The following WAC variants were observed in gnomAD, a reference collection of about 807,000 sequenced individuals.
WAC encodes the protein WW domain containing adaptor with coiled-coil, also known as WW domain-containing adapter protein with coiled-coil.
A neutral mutation model predicts 79.6 loss-of-function variants in WAC; 11 were observed. The observed-to-expected ratio is 0.14, with a 90% CI of 0.09 to 0.23. WAC has a LOEUF of 0.23. WAC is among the 10% of genes least tolerant of loss of function. The pLI, the probability that WAC is intolerant of heterozygous loss-of-function variation, is 1.00. For synonymous variants in WAC, 304 were observed against 276.9 expected (o/e 1.10, Z -0.97); for missense variants, 728 against 773.5 (o/e 0.94, Z 0.70).
intron 3 of WAC, among the ~76,000 whole-genome samples, chr10:28,579,547 C>T (rs1346679234): frequency 2.5e-4 from 38 of 152,078 alleles, no homozygotes; most frequent in Non-Finnish European, 5.9e-5. Flanking sequence ...AAATCTAAAA[C>T]TTGTGAGGTC....
At chr10:28,614,773 C>T in intron 11 of WAC, 88 bp downstream of exon 11, 1 of 1,141,650 alleles carries the variant, frequency 8.8e-7, no homozygotes, top group Non-Finnish European at 1.3e-6. Flanking sequence ...TAAAATAGAA[C>T]TTAACCTTTA....
At chr10:28,599,273 T>G (rs1446416418) in intron 7 of WAC, among the ~76,000 whole-genome samples, 1 of 152,218 alleles carries the variant, frequency 6.6e-6, no homozygotes. Flanking sequence ...CTGTTGTTCT[T>G]AAGCACTGAT....
intron 3 of WAC, among the ~76,000 whole-genome samples, chr10:28,545,033 T>A (rs1837274896): frequency 3.0e-5 from 3 of 99,276 alleles, no homozygotes; most frequent in South Asian, 3.8e-4. Flanking sequence ...AGAGTGAGAC[T>A]CTGTCTCAAA....
Position 28,534,324 on chromosome 10 carries a change from G to A in WAC, c.78+290G>A, listed in dbSNP as rs573464209. The A allele has an allele frequency of 5.9e-5, 22 of 373,130 alleles. No homozygotes were observed. In the South Asian group the frequency reaches 1.4e-3, roughly 23 times the overall value. The allele number at this position is 373,130 out of a possible 1,614,324, so 23.1% of individuals were successfully genotyped here. A position where few individuals can be genotyped will look rare whatever the true frequency, so the allele number is the denominator to read the frequency against. ...ATTATTTGATTATTTGCGAGTGAAG[G>A]AATCGATGGGATGAGATGATAGGTG... On this transcript the variant is annotated intron_variant, in intron 2 of 13. Coordinates refer to ENST00000354911, the MANE Select transcript of WAC (RefSeq NM_016628.5).
intron 7 of WAC, among the ~76,000 whole-genome samples, chr10:28,598,565 T>TA (rs1840490084): frequency 6.6e-6 from 1 of 151,790 alleles, no homozygotes; most frequent in South Asian, 2.1e-4. Flanking sequence ...CTAATTGTCT[T>TA]ATGTTCATTT....
intron 7 of WAC, among the ~76,000 whole-genome samples, chr10:28,601,602 T>C (rs1840651322): frequency 2.6e-5 from 4 of 152,178 alleles, no homozygotes; most frequent in African/African-American, 9.7e-5. Context: ...CATGCTTACA[T>C]GCGGGTGTTC....
At chr10:28,607,395 A>G (rs965651595) in intron 7 of WAC, among the ~76,000 whole-genome samples, 6 of 152,156 alleles carry the variant, frequency 3.9e-5, no homozygotes, top group Non-Finnish European at 8.8e-5. Flanking sequence ...TAGCTTGTCA[A>G]ATAGTATTAA....
chr10:28,539,104 T>G (rs957857854), intron 3 of WAC, among the ~76,000 whole-genome samples: 2 of 152,150 alleles, frequency 1.3e-5, no homozygotes, highest in Non-Finnish European at 2.9e-5. Context: ...TAACTTGCAT[T>G]TTACAAAGCA....
chr10:28,541,271 G>A (rs908195082), intron 3 of WAC, among the ~76,000 whole-genome samples: 4 of 152,020 alleles, frequency 2.6e-5, no homozygotes, highest in Non-Finnish European at 5.9e-5. Context: ...TGTTTGGGGG[G>A]TAGTGCATCA....
intron 6 of WAC, among the ~76,000 whole-genome samples, chr10:28,594,802 G>A (rs1321678378): frequency 6.6e-6 from 1 of 152,098 alleles, no homozygotes; most frequent in East Asian, 1.9e-4. Context: ...TCTCCTTGGA[G>A]GTTATTTTAA....
chr10:28,562,708 A>G (rs1449604929), intron 3 of WAC, among the ~76,000 whole-genome samples: 1 of 152,220 alleles, frequency 6.6e-6, no homozygotes, highest in African/African-American at 2.4e-5. Flanking sequence ...AACTAATTAC[A>G]TTATGGCTAT....
At chr10:28,549,784 C>G (rs903280555) in intron 3 of WAC, among the ~76,000 whole-genome samples, 1 of 152,140 alleles carries the variant, frequency 6.6e-6, no homozygotes, top group East Asian at 1.9e-4. Flanking sequence ...TAAGAGGCCA[C>G]TGAAATGAAC....
At chr10:28,540,263 C>G (rs1451991784) in intron 3 of WAC, among the ~76,000 whole-genome samples, 2 of 152,096 alleles carry the variant, frequency 1.3e-5, no homozygotes, top group Non-Finnish European at 2.9e-5. Flanking sequence ...TAAAATTGAA[C>G]AGAGAGCAAC....
intron 9 of WAC, 195 bp from the exon 10 acceptor site, chr10:28,611,577 AAC>A (rs777850402): frequency 2.4e-6 from 3 of 1,266,608 alleles, no homozygotes; most frequent in Non-Finnish European, 3.2e-6. Context: ...CTTACCTCTG[AAC>A]ACACAGCTCA....
chr10:28,558,929 T>C (rs1838146485), intron 3 of WAC, among the ~76,000 whole-genome samples: 1 of 152,190 alleles, frequency 6.6e-6, no homozygotes, highest in Non-Finnish European at 1.5e-5. Flanking sequence ...GAATGACGAA[T>C]ACGGGTAGTT....
intron 3 of WAC, among the ~76,000 whole-genome samples, chr10:28,556,157 T>C (rs1412946574): frequency 6.6e-6 from 1 of 152,166 alleles, no homozygotes; most frequent in Non-Finnish European, 1.5e-5. Flanking sequence ...GAAGCCTCTA[T>C]TCTGGTTTCC....
chr10:28,553,800 C>CT (rs1371358191), intron 3 of WAC, among the ~76,000 whole-genome samples: 3 of 152,106 alleles, frequency 2.0e-5, no homozygotes, highest in African/African-American at 4.8e-5. Flanking sequence ...GTACAGACTT[C>CT]TTTTTTATTC....
chr10:28,603,484 T>C (rs532217161), intron 7 of WAC, among the ~76,000 whole-genome samples: 1 of 152,332 alleles, frequency 6.6e-6, no homozygotes, highest in East Asian at 1.9e-4. Flanking sequence ...CTCACGTAAA[T>C]TCATTCTTTG....
rs1841693504 is a variant in WAC, at chr10:28,621,548, T to A, written c.*1942T>A. ...TACTTTTTAAATGTAAGAAAAGACA[T>A]GTCATTAATTTATTGTCATGTTTAT... On this transcript the variant is annotated 3_prime_UTR_variant, in exon 14 of 14. Transcript: ENST00000354911. 1 of 151,994 alleles carries A rather than the reference T, an allele frequency of 6.6e-6. No individual in the cohort carries two copies. The highest frequency in any genetic ancestry group is 1.5e-5 in the Non-Finnish European group (1 of 67,990). The allele number at this position is 151,994 out of a possible 1,614,324, so 9.4% of individuals were successfully genotyped here.
Sources: allele counts gnomAD v4.1 joint callset (sites outside exome capture counted in the v4.1 genomes callset), GRCh38; gene constraint gnomAD v4.1.1; transcripts MANE v1.5; gene names NCBI Gene and HGNC (gene_info 2026-07-23, HGNC 2026-07-21).